The following TGM7 variants were observed in gnomAD, a reference collection of about 807,000 sequenced individuals.
The protein encoded by TGM7 is protein-glutamine gamma-glutamyltransferase Z.
TGM7 carries 74 observed loss-of-function variants against 79.5 expected under a neutral mutation model. That is an observed-to-expected ratio of 0.93 (90% CI 0.77 to 1.13). TGM7 has a LOEUF of 1.13. Among genes scored for constraint, TGM7 ranks in the 50% most tolerant of loss-of-function variants. The pLI is 0.00. For missense variants in TGM7, 912 were observed against 905.9 expected, an observed-to-expected ratio of 1.01 and a Z score of -0.09; for synonymous variants, 354 against 362.5, an observed-to-expected ratio of 0.98 and a Z score of 0.27.
chr15:43,297,639 G>GAA (rs1555386128), intron 1 of TGM7, among the ~76,000 whole-genome samples: 1 of 138,782 alleles, frequency 7.2e-6, no homozygotes, highest in Non-Finnish European at 1.6e-5. Context: ...GAAAGAAAAA[G>GAA]AAAGAAAGAA....
At chr15:43,278,277 G>T (rs1339831704) in intron 11 of TGM7, among the ~76,000 whole-genome samples, 2 of 152,280 alleles carry the variant, frequency 1.3e-5, no homozygotes, top group African/African-American at 4.8e-5. Context: ...GAGGCTTTCG[G>T]GAAGGAAAAC....
At position 43,296,153 on chromosome 15, in the gene TGM7, A is replaced by C. The variant is rs191083061; in HGVS notation, c.11-2522T>G. ...TTAAAAGTCAGAAAGCAGCCGGGTG[A>C]GGTGGCTCACGCCTGTAATCCCAGC... On this transcript the variant is annotated intron_variant, in intron 1 of 12. Coordinates refer to ENST00000452443, the MANE Select transcript of TGM7 (RefSeq NM_052955.3). 2.2e-4 allele frequency among the ~76,000 whole-genome samples: 34 copies of C among 152,280 alleles called. No individual in the cohort carries two copies. The East Asian group carries it at 2.5e-3, about 11-fold the overall frequency.
intron 1 of TGM7, among the ~76,000 whole-genome samples, chr15:43,298,969 A>G (rs942098663): frequency 6.6e-6 from 1 of 152,078 alleles, no homozygotes; most frequent in Non-Finnish European, 1.5e-5. Context: ...CTTGATTCCA[A>G]CAAAGAGGGC....
chr15:43,297,252 G>A lies in TGM7; in HGVS notation c.11-3621C>T, dbSNP rs371855780. Among the ~76,000 whole-genome samples the A allele has an allele frequency of 1.4e-4, 22 of 152,058 alleles. No individual in the cohort carries two copies. The East Asian group carries it at 1.9e-3, about 13-fold the overall frequency. ...GGGTGGATCACGAGCTCAGGAGTTC[G>A]AGACCAGCTGACCAACATGGTGAAA... On this transcript the variant is annotated intron_variant, in intron 1 of 12. Coordinates refer to ENST00000452443, the MANE Select transcript of TGM7 (RefSeq NM_052955.3).
At chr15:43,301,629 C>CA (rs56249665) in intron 1 of TGM7, among the ~76,000 whole-genome samples, 62,368 of 126,872 alleles carry the variant, frequency 0.49, 17,585 homozygotes, top group African/African-American at 0.82. Context: ...GACTCCATCT[C>CA]AAAAAAAAAA....
intron 3 of TGM7, 87 bp from the exon 4 acceptor site, chr15:43,292,184 TC>T: frequency 1.1e-6 from 1 of 910,296 alleles, no homozygotes. Context: ...ACAACGTGTT[TC>T]TGGAAAACAG....
At chr15:43,302,018 G>A (rs1038754240) in intron 1 of TGM7, 2 of 597,924 alleles carry the variant, frequency 3.3e-6, no homozygotes, top group African/African-American at 3.7e-5. Flanking sequence ...TTAAAGAAAA[G>A]GCTGTTCACA....
intron 11 of TGM7, among the ~76,000 whole-genome samples, chr15:43,277,343 G>A (rs2042883417): frequency 6.6e-6 from 1 of 152,228 alleles, no homozygotes; most frequent in Non-Finnish European, 1.5e-5. Flanking sequence ...GGATCCTGAG[G>A]ACAAAGGATC....
intron 7 of TGM7, among the ~76,000 whole-genome samples, chr15:43,283,739 C>G (rs764437438): frequency 5.3e-5 from 8 of 152,212 alleles, no homozygotes; most frequent in Admixed American, 3.3e-4. Flanking sequence ...ATTCAGACCT[C>G]TAGGAGTCTA....
chr15:43,287,791 C>T (rs1377097700), intron 4 of TGM7, 122 bp from the exon 5 acceptor site: 7 of 1,154,310 alleles, frequency 6.1e-6, no homozygotes, highest in Middle Eastern at 2.3e-4. Flanking sequence ...AGGGGGAGGG[C>T]GCTAAATATA....
rs1267864893 is a variant in TGM7 at position 43,287,348 on chromosome 15, C to G, written c.797G>C (p.Trp266Ser). ...CACAGGCTGCCCGCCCCTGGCTGAC[C>G]ACTGCTGTAGGATGGCCACACTGCC... ...WKGSVAILQQ[W>S]SARGGQPVKY... is the part of the protein sequence containing the mutation. Residue 266 changes from tryptophan (W) to serine (S), a missense_variant, in exon 6 of 13, where the codon TGG (tryptophan) becomes TCG (serine). By Grantham distance (177) the Trp-to-Ser change is radical (BLOSUM62 -3). Coordinates refer to ENST00000452443, the MANE Select transcript of TGM7 (RefSeq NM_052955.3). 6.2e-7 allele frequency: 1 copy of G among 1,614,050 alleles called. No individual in the cohort carries two copies. The highest frequency in any genetic ancestry group is 8.5e-7 in the Non-Finnish European group (1 of 1,180,030).
chr15:43,301,310 A>G (rs915314953), intron 1 of TGM7, among the ~76,000 whole-genome samples: 1 of 151,438 alleles, frequency 6.6e-6, no homozygotes, highest in Non-Finnish European at 1.5e-5. Flanking sequence ...CCATTAGAAC[A>G]TGATACATGC....
At position 43,281,910 on chromosome 15, in the gene TGM7, T is replaced by A. The variant is rs762505420; in HGVS notation, c.1285A>T (p.Ile429Phe). The A allele has an allele frequency of 6.2e-7, 1 of 1,614,204 alleles. No individual in the cohort carries two copies. Among genetic ancestry groups the A allele is most frequent in the Non-Finnish European group, 8.5e-7 (1 of 1,180,030 alleles). ...AHNTSSIGKE[I>F]STKMVGSDQR... ...TCTGACCCCACCATCTTAGTGCTGA[T>A]CTCCTTCCCGATGGAACTGGTGTTG... The change falls in exon 9 of 13, where the codon ATC (isoleucine) becomes TTC (phenylalanine). Residue 429 changes from isoleucine to phenylalanine, a missense_variant. Physicochemically the swap from Ile to Phe is conservative, Grantham distance 21. Coordinates refer to ENST00000452443, the MANE Select transcript of TGM7 (RefSeq NM_052955.3).
At chr15:43,291,617 C>T (rs188229521) in intron 4 of TGM7, among the ~76,000 whole-genome samples, 1 of 152,242 alleles carries the variant, frequency 6.6e-6, no homozygotes, top group East Asian at 1.9e-4. Flanking sequence ...GGCAGTAGGC[C>T]ACATTTGGTC....
At chr15:43,278,537 T>C (rs2042889091) in intron 11 of TGM7, among the ~76,000 whole-genome samples, 1 of 152,232 alleles carries the variant, frequency 6.6e-6, no homozygotes. Context: ...CTCAGCTCAC[T>C]GCAGGCTTGA....
intron 1 of TGM7, among the ~76,000 whole-genome samples, chr15:43,296,176 A>G (rs1013169090): frequency 6.6e-6 from 1 of 152,254 alleles, no homozygotes; most frequent in African/African-American, 2.4e-5. Context: ...CTGTAATCCC[A>G]GCACTTTGGG....
intron 11 of TGM7, 117 bp downstream of exon 11, chr15:43,279,000 G>T: frequency 2.7e-6 from 3 of 1,130,260 alleles, no homozygotes; most frequent in African/African-American, 1.6e-5. Context: ...ACCATACTGT[G>T]CTGGAGCCAT....
intron 2 of TGM7, 67 bp downstream of exon 2, chr15:43,293,382 C>G: frequency 3.3e-6 from 5 of 1,511,816 alleles, no homozygotes; most frequent in South Asian, 1.3e-5. Flanking sequence ...AGGGGCCCCG[C>G]AGGCAGACTC....
Position 43,276,875 on chromosome 15 carries a change from G to A in TGM7, c.1960C>T (p.Gln654Ter), listed in dbSNP as rs749552620. ...VLEGSGLING[Q>*]IAKDLGTLVA... ...AGCGTCACTTACTCCTTTGCTATCT[G>A]CCCATTGATGAGGCCGCTTCCTTCC... is the stretch of plus-strand genomic sequence containing the variant. The change falls in exon 12 of 13, where the codon CAG becomes TAG. Residue 654 changes from glutamine (Q) to a stop codon, truncating the protein, a stop_gained. Transcript: ENST00000452443. LOFTEE classifies it high-confidence loss of function. 6 of 1,614,110 alleles carry A rather than the reference G, an allele frequency of 3.7e-6. No homozygotes were observed. The highest frequency in any genetic ancestry group is 5.1e-6 in the Non-Finnish European group (6 of 1,179,998).
Sources: gnomAD v4.1 joint callset for allele counts (sites outside exome capture counted in the v4.1 genomes callset) on GRCh38, gnomAD v4.1.1 for gene constraint, MANE v1.5 for transcripts, NCBI Gene and HGNC (gene_info 2026-07-23, HGNC 2026-07-21) for gene names.